Variants in SLC14A2 observed in about 807,000 individuals in gnomAD.
The protein encoded by SLC14A2 is urea transporter 2.
A neutral mutation model predicts 104.6 loss-of-function variants in SLC14A2; 91 were observed. The observed-to-expected ratio is 0.87, with a 90% confidence interval of 0.73 to 1.04. The LOEUF (loss-of-function observed/expected upper bound fraction) is 1.04, where lower values mean the gene tolerates loss of function less well. SLC14A2 is among the 50% of genes least tolerant of loss of function. The pLI is 0.00. For synonymous variants in SLC14A2, 476 were observed against 466.4 expected (o/e 1.02, Z -0.27); for missense variants, 1,189 against 1,156.0 (o/e 1.03, Z -0.41).
chr18:45,628,456 A>C, intron 4 of SLC14A2, among the ~76,000 whole-genome samples: 1 of 151,696 alleles, frequency 6.6e-6, no homozygotes, highest in Non-Finnish European at 1.5e-5. Context: ...AAAAAAAAAA[A>C]AAAGAAAGAA....
At chr18:45,452,876 T>G (rs2086879455) in intron 1 of SLC14A2, among the ~76,000 whole-genome samples, 1 of 152,180 alleles carries the variant, frequency 6.6e-6, no homozygotes, top group African/African-American at 2.4e-5. Context: ...GCACCAGAGA[T>G]CCACAGAGAT....
chr18:45,332,066 C>G (rs2085296035), intron 1 of SLC14A2, among the ~76,000 whole-genome samples: 2 of 152,318 alleles, frequency 1.3e-5, no homozygotes, highest in Admixed American at 1.3e-4. Context: ...AAATCCATGT[C>G]TACTCTTATC....
the SLC14A2 span, among the ~76,000 whole-genome samples, chr18:45,173,208 A>AG: frequency 6.6e-6 from 1 of 152,154 alleles, no homozygotes; most frequent in Non-Finnish European, 1.5e-5. Flanking sequence ...TGGAGCTGGA[A>AG]GATATATTTA....
At chr18:45,293,751 TTGAC>T (rs1399672489) in intron 1 of SLC14A2, among the ~76,000 whole-genome samples, 12 of 152,202 alleles carry the variant, frequency 7.9e-5, no homozygotes, top group Non-Finnish European at 1.8e-4. Flanking sequence ...CCAAATATAT[TTGAC>T]TGTGGAAAAT....
rs76960071 is a variant in SLC14A2, at chr18:45,595,864, G to A, written c.-34-28767G>A. Among the ~76,000 whole-genome samples, 510 of 152,256 alleles carry A rather than the reference G, an allele frequency of 3.3e-3. 10 individuals are homozygous for A. The highest frequency in any genetic ancestry group is 0.017 in the Admixed American group (260 of 15,300). ...CAACTCAAACTCTGATGTTCGGAGC[G>A]AACATCAGACTCAGCTGGCTGCCCC... is the stretch of plus-strand genomic sequence containing the variant. On this transcript the variant is annotated intron_variant, in intron 2 of 20. Coordinates refer to the SLC14A2 transcript ENST00000586448.
chr18:45,567,525 GAGTC>G (rs1225431061), intron 2 of SLC14A2, among the ~76,000 whole-genome samples: 2 of 152,246 alleles, frequency 1.3e-5, no homozygotes, highest in Non-Finnish European at 2.9e-5. Flanking sequence ...AACTGGGAAA[GAGTC>G]AGAGTGTCCT....
At chr18:45,552,876 A>T (rs72904427) in intron 2 of SLC14A2, among the ~76,000 whole-genome samples, 1 of 152,364 alleles carries the variant, frequency 6.6e-6, no homozygotes, top group South Asian at 2.1e-4. Context: ...GCATGAGGCC[A>T]TGGCAAAGAT....
intron 1 of SLC14A2, among the ~76,000 whole-genome samples, chr18:45,444,787 C>T (rs186416313): frequency 2.7e-4 from 41 of 152,260 alleles, no homozygotes; most frequent in African/African-American, 9.1e-4. Context: ...GCATCGACAG[C>T]TCTTTTTAAA....
At chr18:45,217,300 ACAT>A (rs1027938032) in intron 1 of SLC14A2, among the ~76,000 whole-genome samples, 1 of 147,208 alleles carries the variant, frequency 6.8e-6, no homozygotes, top group Non-Finnish European at 1.5e-5. Flanking sequence ...ATGTATATAT[ACAT>A]CATCATATAT....
chr18:45,286,130 G>T (rs776427005), intron 1 of SLC14A2, among the ~76,000 whole-genome samples: 6 of 152,154 alleles, frequency 3.9e-5, no homozygotes, highest in Non-Finnish European at 7.3e-5. Context: ...ACAGTGTATT[G>T]ATCAGGTGCT....
At position 45,668,492 on chromosome 18, in the gene SLC14A2, G is replaced by A. The variant is rs2046070941; in HGVS notation, c.2036+15G>A. On this transcript the variant is annotated intron_variant, in intron 15 of 19. Coordinates refer to ENST00000255226, the MANE Select transcript of SLC14A2 (RefSeq NM_007163.4). ...TCCATGTCTTGGTAAGTTTGCTTTT[G>A]AAGGGTTGTGGGTTCATATCAATGG... 1 of 1,613,956 alleles carries A rather than the reference G, an allele frequency of 6.2e-7. No homozygotes were observed. The highest frequency in any genetic ancestry group is 1.3e-5 in the African/African-American group (1 of 74,884).
intron 10 of SLC14A2, among the ~76,000 whole-genome samples, chr18:45,656,921 A>G (rs2045847517): frequency 6.6e-6 from 1 of 152,154 alleles, no homozygotes; most frequent in Non-Finnish European, 1.5e-5. Flanking sequence ...AGTGACTCAT[A>G]CCCCCACCTT....
At chr18:45,537,065 C>CCCTTCCTT (rs1228820306) in intron 2 of SLC14A2, among the ~76,000 whole-genome samples, 18 of 97,668 alleles carry the variant, frequency 1.8e-4, no homozygotes, top group African/African-American at 5.3e-4. Flanking sequence ...CTCCCTCCCT[C>CCCTTCCTT]CCTTCCTTCC....
chr18:45,187,816 G>A, the SLC14A2 span, among the ~76,000 whole-genome samples: 1 of 152,124 alleles, frequency 6.6e-6, no homozygotes, highest in African/African-American at 2.4e-5. Flanking sequence ...TCTGTTTTGG[G>A]AGAATATTGT....
chr18:45,630,224 G>T (rs997712545), intron 4 of SLC14A2, among the ~76,000 whole-genome samples: 1 of 152,134 alleles, frequency 6.6e-6, no homozygotes, highest in Non-Finnish European at 1.5e-5. Flanking sequence ...TCAGTGTCTT[G>T]TTCTGCATCA....
At chr18:45,610,238 G>A (rs1210242712) in intron 2 of SLC14A2, among the ~76,000 whole-genome samples, 2 of 152,130 alleles carry the variant, frequency 1.3e-5, no homozygotes, top group Non-Finnish European at 2.9e-5. Context: ...CTGAGAGCCT[G>A]CATTTCTAAC....
chr18:45,223,436 T>A (rs1027500875), intron 1 of SLC14A2, among the ~76,000 whole-genome samples: 1 of 152,128 alleles, frequency 6.6e-6, no homozygotes, highest in African/African-American at 2.4e-5. Context: ...GGGAAAAAAA[T>A]TTATTACTTG....
chr18:45,218,102 C>G (rs1343259135), intron 1 of SLC14A2, among the ~76,000 whole-genome samples: 2 of 152,154 alleles, frequency 1.3e-5, no homozygotes, highest in East Asian at 3.9e-4. Context: ...CATTGTTGTA[C>G]AGCCATTGCC....
upstream of SLC14A2, among the ~76,000 whole-genome samples, chr18:45,612,891 C>G (rs1243882946): frequency 4.6e-5 from 7 of 152,348 alleles, no homozygotes; most frequent in African/African-American, 1.7e-4. Context: ...CACACTCTCT[C>G]TCTCCTGCTG....
Sources: gnomAD v4.1 joint callset for allele counts (sites outside exome capture counted in the v4.1 genomes callset) on GRCh38, gnomAD v4.1.1 for gene constraint, MANE v1.5 for transcripts, NCBI Gene and HGNC (gene_info 2026-07-23, HGNC 2026-07-21) for gene names.